CPA1: variants seen among roughly 807,000 people sequenced by gnomAD.
CPA1 encodes carboxypeptidase A1 (pancreatic).
A neutral mutation model predicts 48.7 loss-of-function variants in CPA1; 42 were observed. The ratio of observed to expected loss-of-function variants is 0.86; its 90% CI spans 0.67 to 1.11. The LOEUF (loss-of-function observed/expected upper bound fraction) is 1.11, where lower values mean the gene tolerates loss of function less well. CPA1 is among the 50% of genes most tolerant of loss of function. The pLI, the probability that CPA1 is intolerant of heterozygous loss-of-function variation, is 0.00. For synonymous variants in CPA1, 203 were observed against 217.9 expected (o/e 0.93, Z 0.60); for missense variants, 477 against 544.7 (o/e 0.88, Z 1.24).
chr7:130,388,071 A>T lies in CPA1; in HGVS notation c.*60A>T. 1 of 1,531,546 alleles carries T rather than the reference A, an allele frequency of 6.5e-7. No individual in the cohort carries two copies. The highest frequency in any genetic ancestry group is 2.2e-5 in the East Asian group (1 of 44,448). The allele number at this position is 1,531,546 out of a possible 1,614,324, so 94.9% of individuals were successfully genotyped here. ...TGGCCCCATCCAGGCAACCAAATAA[A>T]GTTTGAGTGTACCAGGAACAGAATC... On this transcript the variant is annotated 3_prime_UTR_variant, in exon 10 of 10. Transcript: ENST00000011292.
At chr7:130,383,625 G>A in intron 5 of CPA1, 59 bp from the exon 6 acceptor site, 1 of 1,465,660 alleles carries the variant, frequency 6.8e-7, no homozygotes, top group Non-Finnish European at 9.5e-7. Flanking sequence ...GTCCATTGCT[G>A]TGGCTTGGCA....
chr7:130,386,395 G>A (rs1244645661), intron 9 of CPA1, among the ~76,000 whole-genome samples: 2 of 151,942 alleles, frequency 1.3e-5, no homozygotes, highest in Middle Eastern at 3.2e-3. Flanking sequence ...AGCTGGGTGT[G>A]GTGGTGTGCG....
In CPA1 at chr7:130,383,725, T is replaced by C; in HGVS notation, c.627T>C (p.Ile209=). 1.2e-6 allele frequency: 2 copies of C among 1,614,184 alleles called. No homozygotes were observed. The highest frequency in any genetic ancestry group is 1.7e-6 in the Non-Finnish European group (2 of 1,180,010). ...GGCAGGATGCAGCTTTCACCGCCAT[T>C]CTCGACACCTTGGACATCTTCCTGG... ...DYGQDAAFTA[I]LDTLDIFLEI... The change falls in exon 6 of 10, where the codon ATT becomes ATC. Residue 209 remains isoleucine (I), a synonymous_variant. Transcript: ENST00000011292.
intron 8 of CPA1, 59 bp downstream of exon 8, chr7:130,385,404 C>CT: frequency 6.6e-7 from 1 of 1,506,640 alleles, no homozygotes; most frequent in Non-Finnish European, 9.2e-7. Flanking sequence ...CAGGCCCAGG[C>CT]TTTCCCCCAT....
Position 130,387,069 on chromosome 7 carries a change from GACT to G in CPA1, c.1073-754_1073-752del. Among the ~76,000 whole-genome samples, 1 of 152,218 alleles carries G rather than the reference GACT, an allele frequency of 6.6e-6. No homozygotes were observed. Among genetic ancestry groups the G allele is most frequent in the Non-Finnish European group, 1.5e-5 (1 of 68,034 alleles). On this transcript the variant is annotated intron_variant, in intron 9 of 9. Transcript: ENST00000011292. The surrounding 1 kb of genome is among the most constrained non-coding windows in gnomAD (Gnocchi z 4.6). ...GCCGGGGATGTTGCTGGAACAACAA[GACT>G]GGTGTGGCTGCCTCCAAGTAAGTGA...
At chr7:130,385,372 T>C in intron 8 of CPA1, 27 bp downstream of exon 8, 2 of 1,611,046 alleles carry the variant, frequency 1.2e-6, no homozygotes, top group Non-Finnish European at 1.7e-6. Flanking sequence ...GCTTGCCCCC[T>C]CGTCCCCAAG....
Position 130,381,666 on chromosome 7 carries a change from C to G in CPA1, c.184C>G (p.Pro62Ala). The G allele has an allele frequency of 6.2e-7, 1 of 1,614,040 alleles. No homozygotes were observed. The highest frequency in any genetic ancestry group is 8.5e-7 in the Non-Finnish European group (1 of 1,179,986). ...GCGGGGGCCTGCCCACCCTGGCTCC[C>G]CCATCGACGTCCGAGTGCCCTTCCC... ...FWRGPAHPGS[P>A]IDVRVPFPSI... The change falls in exon 3 of 10, where the codon CCC (proline) becomes GCC (alanine). Residue 62 changes from proline to alanine, a missense_variant. Transcript: ENST00000011292.
intron 7 of CPA1, chr7:130,384,929 C>T: frequency 1.6e-6 from 1 of 613,502 alleles, no homozygotes; most frequent in Non-Finnish European, 2.9e-6. Context: ...CACTGAGGAG[C>T]CCGTCTTCCC....
At chr7:130,384,747 C>T in intron 7 of CPA1, 121 bp downstream of exon 7, 1 of 835,528 alleles carries the variant, frequency 1.2e-6, no homozygotes, top group East Asian at 2.6e-5. Context: ...GGTGGCAGCT[C>T]TGCCTCTGAG....
At chr7:130,382,025 G>C (rs1796412991) in intron 3 of CPA1, 83 bp from the exon 4 acceptor site, 2 of 1,292,030 alleles carry the variant, frequency 1.5e-6, no homozygotes, top group African/African-American at 2.9e-5. Context: ...GCTCGCAGCA[G>C]GCTGGGACGG....
Position 130,381,789 on chromosome 7 carries a change from C to T in CPA1, c.307C>T (p.Gln103Ter), listed in dbSNP as rs997840503. The change falls in exon 3 of 10, where the codon CAG becomes TAG. Residue 103 changes from glutamine (Q) to a stop codon, truncating the protein, a stop_gained. Transcript: ENST00000011292. LOFTEE classifies it high-confidence loss of function. ...GTCGCTGCTGGACGAGGAGCAGGAG[C>T]AGATGTTCGCCTTCCGGTCCCGGGC... The part of the protein sequence containing the change: ...VQSLLDEEQE[Q>*]MFAFRSRARS... 1.9e-6 allele frequency: 3 copies of T among 1,614,148 alleles called. No homozygotes were observed. The highest frequency in any genetic ancestry group is 8.5e-7 in the Non-Finnish European group (1 of 1,180,020).
chr7:130,381,944 G>C (rs1796411973), intron 3 of CPA1, 81 bp downstream of exon 3: 2 of 1,355,062 alleles, frequency 1.5e-6, no homozygotes, highest in Non-Finnish European at 1.0e-6. Context: ...GCCAAGGCCA[G>C]GGCCAGCCTG....
chr7:130,381,784 A>G lies in CPA1; in HGVS notation c.302A>G (p.Gln101Arg). 1 of 1,614,166 alleles carries G rather than the reference A, an allele frequency of 6.2e-7. No individual in the cohort carries two copies. The highest frequency in any genetic ancestry group is 8.5e-7 in the Non-Finnish European group (1 of 1,180,018). The change falls in exon 3 of 10, where the codon CAG becomes CGG. Residue 101 changes from glutamine to arginine, a missense_variant. Gln to Arg is a conservative substitution (Grantham distance 43). Transcript: ENST00000011292. Reference sequence around the variant, plus strand: ...GTGCAGTCGCTGCTGGACGAGGAGCAGGAGCAGATGTTCGCCTTCCGGTCC... The same window carrying G: ...GTGCAGTCGCTGCTGGACGAGGAGCGGGAGCAGATGTTCGCCTTCCGGTCC... ...EDVQSLLDEEQEQMFAFRSRA... is the reference protein window; with the variant it reads ...EDVQSLLDEEREQMFAFRSRA...
chr7:130,382,596 T>A (rs1435042845), intron 4 of CPA1, among the ~76,000 whole-genome samples: 1 of 150,342 alleles, frequency 6.7e-6, no homozygotes, highest in Non-Finnish European at 1.5e-5. Flanking sequence ...CCCGAGTAGC[T>A]GAGACTACAA....
In CPA1 at chr7:130,387,668, G is replaced by A. The variant is rs782686202; in HGVS notation, c.1073-156G>A. Among the ~76,000 whole-genome samples the A allele has an allele frequency of 2.0e-5, 3 of 152,238 alleles. No homozygotes were observed. Among genetic ancestry groups the A allele is most frequent in the Non-Finnish European group, 4.4e-5 (3 of 68,050 alleles). Reference sequence around the variant, plus strand: ...CTTTTAGTGGGAGTTTCTTGGAAGTGAGGCTGCTTGGTCAACAGCAGACCT... The same window carrying A: ...CTTTTAGTGGGAGTTTCTTGGAAGTAAGGCTGCTTGGTCAACAGCAGACCT... On this transcript the variant is annotated intron_variant, in intron 9 of 9. Coordinates refer to ENST00000011292, the MANE Select transcript of CPA1 (RefSeq NM_001868.4). This position sits in a 1 kb window ranked among gnomAD's most constrained non-coding sequence, Gnocchi z 4.6.
At chr7:130,381,976 G>A in intron 3 of CPA1, 113 bp downstream of exon 3, 1 of 1,199,274 alleles carries the variant, frequency 8.3e-7, no homozygotes, top group Non-Finnish European at 1.2e-6. Context: ...CGCCTGCTCT[G>A]TTTCCATGTG....
At chr7:130,384,900 C>G in intron 7 of CPA1, 1 of 606,780 alleles carries the variant, frequency 1.6e-6, no homozygotes, top group South Asian at 2.0e-5. Flanking sequence ...TTGGCCACGT[C>G]TCTGTGAGAA....
Position 130,381,828 on chromosome 7 carries a change from A to G in CPA1, c.346A>G (p.Thr116Ala), listed in dbSNP as rs368581566. The G allele has an allele frequency of 2.5e-6, 4 of 1,613,904 alleles. No individual in the cohort carries two copies. In the African/African-American group the frequency reaches 4.0e-5, roughly 16 times the overall value. Residue 116 changes from threonine to alanine, a missense_variant, in exon 3 of 10, where the codon ACT becomes GCT. Transcript: ENST00000011292. Reference sequence around the variant, plus strand: ...CCGGTCCCGGGCGCGCTCCACCGACACTTTTAACTACGCCACCTACCACAC... The same window carrying G: ...CCGGTCCCGGGCGCGCTCCACCGACGCTTTTAACTACGCCACCTACCACAC... Reference protein sequence around the residue: ...AFRSRARSTDTFNYATYHTLE... With the variant: ...AFRSRARSTDAFNYATYHTLE...
chr7:130,383,371 C>G lies in CPA1; in HGVS notation c.484-20C>G, dbSNP rs369392256. 171 of 1,607,886 alleles carry G rather than the reference C, an allele frequency of 1.1e-4. No homozygotes were observed. Among genetic ancestry groups the G allele is most frequent in the Non-Finnish European group, 1.4e-4 (161 of 1,175,446 alleles). On this transcript the variant is annotated intron_variant, in intron 4 of 9. Transcript: ENST00000011292. ...TCAGCTGTGAAATTGCCTCTGATCACTCCCCTGCCTCCTCTCCAGTTCAGC... is the reference window on the plus strand; with the variant it reads ...TCAGCTGTGAAATTGCCTCTGATCAGTCCCCTGCCTCCTCTCCAGTTCAGC...
Sources: gnomAD v4.1 joint callset for allele counts (sites outside exome capture counted in the v4.1 genomes callset) on GRCh38, gnomAD v4.1.1 for gene constraint, Gnocchi (gnomAD v3.1) non-coding constraint, MANE v1.5 for transcripts, NCBI Gene and HGNC (gene_info 2026-07-23, HGNC 2026-07-21) for gene names.